The following SEMA3C variants were observed in gnomAD, a reference collection of about 807,000 sequenced individuals.
SEMA3C encodes the protein semaphorin 3C.
A neutral mutation model predicts 89.4 loss-of-function variants in SEMA3C; 47 were observed. That is an observed-to-expected ratio of 0.53 (90% CI 0.42 to 0.67). SEMA3C has a LOEUF of 0.67. Ranked by LOEUF, SEMA3C falls within the 30% of genes least tolerant of loss-of-function variation. The pLI is 0.00. For missense variants in SEMA3C, 839 were observed against 929.1 expected (o/e 0.90, Z 1.26); for synonymous variants, 310 against 320.2 (o/e 0.97, Z 0.34).
rs1329943199 is a variant in SEMA3C, at chr7:80,788,417, A to G, written c.1354+889T>C. On this transcript the variant is annotated intron_variant, in intron 12 of 17. Coordinates refer to ENST00000265361, the MANE Select transcript of SEMA3C (RefSeq NM_006379.5). Reference sequence around the variant, plus strand: ...GACGTGAGTAGTGGTTCCTAACTTTAGCGTGCATCAGAATTACTTAGAGGG... The same window carrying G: ...GACGTGAGTAGTGGTTCCTAACTTTGGCGTGCATCAGAATTACTTAGAGGG... 5.9e-5 allele frequency among the ~76,000 whole-genome samples: 9 copies of G among 152,328 alleles called. No individual in the cohort carries two copies. The East Asian group carries it at 1.7e-3, about 29-fold the overall frequency.
At chr7:80,825,951 T>G (rs1789863063) in intron 4 of SEMA3C, among the ~76,000 whole-genome samples, 2 of 152,096 alleles carry the variant, frequency 1.3e-5, no homozygotes, top group South Asian at 4.1e-4. Context: ...TTTCTGGATT[T>G]TTTCCCCCAA....
upstream of SEMA3C, chr7:80,919,416 T>C: frequency 1.0e-6 from 1 of 974,158 alleles, no homozygotes; most frequent in Non-Finnish European, 1.2e-6. Context: ...TCTCGAAGAC[T>C]TACACAGGCT....
chr7:80,753,158 C>T (rs949687200), intron 15 of SEMA3C, among the ~76,000 whole-genome samples: 5 of 152,066 alleles, frequency 3.3e-5, no homozygotes, highest in African/African-American at 4.8e-5. Flanking sequence ...TCACGTGACC[C>T]GTACCGATTG....
intron 7 of SEMA3C, among the ~76,000 whole-genome samples, chr7:80,804,784 G>A (rs962676153): frequency 6.6e-6 from 1 of 152,122 alleles, no homozygotes; most frequent in South Asian, 2.1e-4. Flanking sequence ...ATTTCCAGAT[G>A]TACTGGAGGA....
intron 2 of SEMA3C, among the ~76,000 whole-genome samples, chr7:80,897,961 C>T (rs1791780086): frequency 6.6e-6 from 1 of 152,076 alleles, no homozygotes; most frequent in Non-Finnish European, 1.5e-5. Context: ...GCCTGGCATG[C>T]CTTATTAAAA....
intron 15 of SEMA3C, among the ~76,000 whole-genome samples, chr7:80,751,875 C>A (rs1314373799): frequency 6.6e-6 from 1 of 152,158 alleles, no homozygotes; most frequent in Non-Finnish European, 1.5e-5. Flanking sequence ...CTAGAATAAG[C>A]ATGTTGTCCC....
At chr7:80,900,821 C>T (rs777168424) in intron 2 of SEMA3C, among the ~76,000 whole-genome samples, 77 of 152,288 alleles carry the variant, frequency 5.1e-4, no homozygotes, top group Non-Finnish European at 6.9e-4. Context: ...GTTTATTGTA[C>T]AACACTATAA....
At chr7:80,780,539 A>T (rs1187747032) in intron 12 of SEMA3C, among the ~76,000 whole-genome samples, 1 of 152,174 alleles carries the variant, frequency 6.6e-6, no homozygotes, top group African/African-American at 2.4e-5. Context: ...TAGTTGTATT[A>T]AGTTTCTATT....
At chr7:80,822,488 G>GGGTT (rs1379438655) in intron 4 of SEMA3C, among the ~76,000 whole-genome samples, 6 of 152,004 alleles carry the variant, frequency 3.9e-5, no homozygotes, top group African/African-American at 1.4e-4. Context: ...GTGCCTAGAA[G>GGGTT]GGTTAGAGGA....
chr7:80,846,351 T>C (rs1157164028), intron 2 of SEMA3C, among the ~76,000 whole-genome samples: 6 of 152,134 alleles, frequency 3.9e-5, no homozygotes, highest in African/African-American at 1.4e-4. Context: ...TAACTTTTCG[T>C]TGTTTGTATG....
intron 11 of SEMA3C, 24 bp from the exon 12 acceptor site, chr7:80,789,552 C>G (rs1313814511): frequency 1.4e-6 from 2 of 1,481,018 alleles, no homozygotes; most frequent in Admixed American, 4.4e-5. Context: ...TTTAAAGAAC[C>G]AAGTTAATAA....
chr7:80,905,126 A>G (rs894997947), intron 2 of SEMA3C, among the ~76,000 whole-genome samples: 1 of 150,404 alleles, frequency 6.6e-6, no homozygotes, highest in African/African-American at 2.5e-5. Flanking sequence ...AACTCCTGAT[A>G]TTTAAAATAG....
chr7:80,805,666 C>T lies in SEMA3C; in HGVS notation c.631G>A (p.Asp211Asn), dbSNP rs1016144985. The T allele has an allele frequency of 1.9e-6, 3 of 1,604,120 alleles. No individual in the cohort carries two copies. Among genetic ancestry groups the T allele is most frequent in the Non-Finnish European group, 2.6e-6 (3 of 1,174,766 alleles). The change falls in exon 7 of 18, where the codon GAT becomes AAT. Residue 211 changes from aspartate to asparagine, a missense_variant. Transcript: ENST00000265361. Reference protein sequence around the residue: ...SLTKRNAVRTDQHNSKWLSEP... With the variant: ...SLTKRNAVRTNQHNSKWLSEP... Reference sequence around the variant, plus strand: ...CTTAGCCATTTGGAATTATGTTGATCAGTTCTGACCGCATTCCTCTTGGTT... The same window carrying T: ...CTTAGCCATTTGGAATTATGTTGATTAGTTCTGACCGCATTCCTCTTGGTT...
At chr7:80,820,821 C>A (rs1219123738) in intron 4 of SEMA3C, among the ~76,000 whole-genome samples, 1 of 152,068 alleles carries the variant, frequency 6.6e-6, no homozygotes, top group Non-Finnish European at 1.5e-5. Flanking sequence ...AGGAATGAGA[C>A]ACATGCATAT....
chr7:80,881,225 A>G (rs977406650), intron 2 of SEMA3C, among the ~76,000 whole-genome samples: 10 of 151,130 alleles, frequency 6.6e-5, no homozygotes, highest in African/African-American at 2.4e-4. Context: ...TCTCATGTAA[A>G]GTTTTTCAAT....
chr7:80,895,343 CTGTT>C (rs1562974304), intron 2 of SEMA3C, among the ~76,000 whole-genome samples: 1 of 152,154 alleles, frequency 6.6e-6, no homozygotes, highest in Admixed American at 6.5e-5. Context: ...GTTTTTCCAG[CTGTT>C]TGTTTCACTG....
Position 80,789,716 on chromosome 7 carries a change from T to A in SEMA3C, c.1132-188A>T, listed in dbSNP as rs539298112. On this transcript the variant is annotated intron_variant, in intron 11 of 17. Coordinates refer to ENST00000265361, the MANE Select transcript of SEMA3C (RefSeq NM_006379.5). ...CTGTAGATGATTAGTACAGTGTGTA[T>A]TAATTTTGAATCAGGCTAAGTCATT... 2.5e-3 allele frequency among the ~76,000 whole-genome samples: 376 copies of A among 152,328 alleles called. 1 individual carries two copies. Among genetic ancestry groups the A allele is most frequent in the African/African-American group, 8.5e-3 (355 of 41,570 alleles).
At chr7:80,802,867 G>A (rs1789242810) in intron 8 of SEMA3C, 88 bp from the exon 9 acceptor site, 5 of 855,172 alleles carry the variant, frequency 5.8e-6, no homozygotes, top group Non-Finnish European at 5.7e-6. Flanking sequence ...GTTGCTTGGA[G>A]GATGAAAATC....
At chr7:80,873,562 A>T (rs533388133) in intron 2 of SEMA3C, among the ~76,000 whole-genome samples, 1 of 152,308 alleles carries the variant, frequency 6.6e-6, no homozygotes, top group Non-Finnish European at 1.5e-5. Flanking sequence ...CATCTAGTGC[A>T]TTAGAGGAAG....
Sources: gnomAD v4.1 joint callset for allele counts (sites outside exome capture counted in the v4.1 genomes callset) on GRCh38, gnomAD v4.1.1 for gene constraint, MANE v1.5 for transcripts, NCBI Gene and HGNC (gene_info 2026-07-23, HGNC 2026-07-21) for gene names.